Variants in RAB27A observed in about 807,000 individuals in gnomAD.
The protein encoded by RAB27A is RAB27A, member RAS oncogene family, also known as ras-related protein Rab-27A.
A neutral mutation model predicts 20.8 loss-of-function variants in RAB27A; 17 were observed. That is an observed-to-expected ratio of 0.82 (90% CI 0.56 to 1.23). The LOEUF (loss-of-function observed/expected upper bound fraction) is 1.23. RAB27A is among the 50% of genes most tolerant of loss of function. The pLI is 0.00. For missense variants in RAB27A, 277 were observed against 266.7 expected (o/e 1.04, Z -0.27); for synonymous variants, 85 against 92.8 (o/e 0.92, Z 0.48).
chr15:55,310,999 T>C (rs973909326), intron 2 of RAB27A, among the ~76,000 whole-genome samples: 4 of 152,216 alleles, frequency 2.6e-5, no homozygotes, highest in African/African-American at 4.8e-5. Flanking sequence ...ATACGCAGGT[T>C]AGCAAATGTC....
intron 4 of RAB27A, among the ~76,000 whole-genome samples, chr15:55,229,501 C>A (rs763676236): frequency 1.9e-4 from 29 of 152,132 alleles, no homozygotes; most frequent in Middle Eastern, 6.8e-3. Flanking sequence ...CATGGAGAAA[C>A]CCCAACTCTA....
intron 2 of RAB27A, among the ~76,000 whole-genome samples, chr15:55,259,042 C>A (rs1172456457): frequency 6.6e-6 from 1 of 152,174 alleles, no homozygotes; most frequent in Non-Finnish European, 1.5e-5. Context: ...TCTCGAACTC[C>A]TAGCGGCAAG....
At chr15:55,222,365 A>G (rs991325459) in intron 6 of RAB27A, among the ~76,000 whole-genome samples, 1 of 152,036 alleles carries the variant, frequency 6.6e-6, no homozygotes, top group African/African-American at 2.4e-5. Context: ...GTTTTTCCTG[A>G]TTTATTCTTC....
At chr15:55,257,174 T>G (rs1897110510) in intron 2 of RAB27A, among the ~76,000 whole-genome samples, 1 of 151,306 alleles carries the variant, frequency 6.6e-6, no homozygotes, top group Non-Finnish European at 1.5e-5. Flanking sequence ...GGGCATAAGG[T>G]GTTTGTGGGT....
rs1202630932 is a variant in RAB27A at position 55,234,947 on chromosome 15, A to G, written c.-13T>C. The G allele has an allele frequency of 6.2e-7, 1 of 1,608,592 alleles. No individual in the cohort carries two copies. The highest frequency in any genetic ancestry group is 1.1e-5 in the South Asian group (1 of 90,786). On this transcript the variant is annotated 5_prime_UTR_variant, in exon 3 of 7. Transcript: ENST00000336787. ...CTCCATCAGACATAATGAAGAACTC[A>G]GTAGTTCACCTGTAAAATACACACA...
chr15:55,293,541 G>C (rs1055719474), upstream of RAB27A, among the ~76,000 whole-genome samples: 1 of 151,760 alleles, frequency 6.6e-6, no homozygotes, highest in African/African-American at 2.4e-5. Flanking sequence ...AAAATACCTA[G>C]GCATAAATTT....
chr15:55,220,376 T>C (rs1057111653), intron 6 of RAB27A, among the ~76,000 whole-genome samples: 1 of 152,150 alleles, frequency 6.6e-6, no homozygotes, highest in Non-Finnish European at 1.5e-5. Context: ...TTCAAGCGAT[T>C]CTCCTGCCTC....
chr15:55,289,053 G>A (rs1382179859), intron 1 of RAB27A: 2 of 152,326 alleles, frequency 1.3e-5, no homozygotes, highest in Middle Eastern at 3.1e-3. Context: ...GTGGGCCCAG[G>A]TGGCCAGCAG....
intron 6 of RAB27A, among the ~76,000 whole-genome samples, chr15:55,208,234 T>C (rs1003058864): frequency 3.9e-5 from 6 of 152,232 alleles, no homozygotes; most frequent in African/African-American, 1.4e-4. Context: ...ACTTGTATGA[T>C]ACAAGATCAT....
At chr15:55,221,417 G>A (rs1895562938) in intron 6 of RAB27A, among the ~76,000 whole-genome samples, 1 of 152,046 alleles carries the variant, frequency 6.6e-6, no homozygotes, top group African/African-American at 2.4e-5. Flanking sequence ...CATTCTCTGT[G>A]GTAATCGTTC....
At chr15:55,284,091 A>G (rs941864800) in intron 1 of RAB27A, among the ~76,000 whole-genome samples, 5 of 152,240 alleles carry the variant, frequency 3.3e-5, no homozygotes, top group African/African-American at 9.6e-5. Context: ...CTATGAAAAA[A>G]CAAGATTAGT....
At chr15:55,298,762 C>T (rs1017584175) in intron 2 of RAB27A, among the ~76,000 whole-genome samples, 4 of 152,130 alleles carry the variant, frequency 2.6e-5, no homozygotes, top group Non-Finnish European at 2.9e-5. Context: ...CCAGGGGGGC[C>T]GTCTATAGAC....
At chr15:55,261,645 G>A (rs1897270827) in intron 2 of RAB27A, among the ~76,000 whole-genome samples, 1 of 137,184 alleles carries the variant, frequency 7.3e-6, no homozygotes, top group African/African-American at 2.8e-5. Flanking sequence ...GGAGGCTAAG[G>A]TAGAAGAATA....
Position 55,203,203 on chromosome 15 carries a change from T to A in RAB27A, c.*2304A>T, listed in dbSNP as rs1894475640. On this transcript the variant is annotated 3_prime_UTR_variant, in exon 7 of 7. Transcript: ENST00000336787. ...CACTTAATTGTATGTTTAAGGCCAG[T>A]GGAATCTATAGCTAATTACTCATTT... 1 of 152,200 alleles carries A rather than the reference T, an allele frequency of 6.6e-6. No individual in the cohort carries two copies. The highest frequency in any genetic ancestry group is 2.4e-5 in the African/African-American group (1 of 41,450). The allele number at this position is 152,200 out of a possible 1,614,324, so 9.4% of individuals were successfully genotyped here.
At chr15:55,301,107 T>C (rs1180428499) in intron 2 of RAB27A, among the ~76,000 whole-genome samples, 1 of 150,446 alleles carries the variant, frequency 6.6e-6, no homozygotes, top group Non-Finnish European at 1.5e-5. Flanking sequence ...AGAGTGGGAG[T>C]TCATGGAGGT....
intron 2 of RAB27A, among the ~76,000 whole-genome samples, chr15:55,306,612 T>C (rs1385389318): frequency 6.6e-6 from 1 of 152,174 alleles, no homozygotes; most frequent in Non-Finnish European, 1.5e-5. Context: ...GGATTAATCA[T>C]TTTCCCTGTC....
intron 2 of RAB27A, among the ~76,000 whole-genome samples, chr15:55,263,132 G>A (rs1897336058): frequency 6.6e-6 from 1 of 151,814 alleles, no homozygotes; most frequent in African/African-American, 2.4e-5. Flanking sequence ...TCACTTTCCT[G>A]GTTTCTGCTC....
At chr15:55,278,067 C>T (rs1045554127) in intron 1 of RAB27A, among the ~76,000 whole-genome samples, 5 of 152,080 alleles carry the variant, frequency 3.3e-5, no homozygotes, top group Non-Finnish European at 2.9e-5. Flanking sequence ...TATTATCAAC[C>T]CTAGTATCAG....
chr15:55,242,261 C>T (rs1595708203), intron 2 of RAB27A, among the ~76,000 whole-genome samples: 1 of 152,170 alleles, frequency 6.6e-6, no homozygotes, highest in African/African-American at 2.4e-5. Context: ...TTTATCTGCT[C>T]ATCATCCTTA....
Sources: gnomAD v4.1 joint callset for allele counts (sites outside exome capture counted in the v4.1 genomes callset) on GRCh38, gnomAD v4.1.1 for gene constraint, MANE v1.5 for transcripts, NCBI Gene and HGNC (gene_info 2026-07-23, HGNC 2026-07-21) for gene names.